PALM2AKAP2: variants seen among roughly 807,000 people sequenced by gnomAD.
PALM2AKAP2 encodes the protein PALM2 and AKAP2 fusion.
Under a neutral mutation model 71.5 loss-of-function variants are expected in PALM2AKAP2, and 37 were observed. The ratio of observed to expected loss-of-function variants is 0.52; its 90% CI spans 0.40 to 0.68. PALM2AKAP2 has a LOEUF of 0.68. Among genes scored for constraint, PALM2AKAP2 ranks in the 30% least tolerant of loss-of-function variants. The pLI is 0.00. For missense variants in PALM2AKAP2, 1,224 were observed against 1,191.8 expected, an observed-to-expected ratio of 1.03 and a Z score of -0.40; for synonymous variants, 468 against 478.8, an observed-to-expected ratio of 0.98 and a Z score of 0.29.
chr9:110,105,247 A>G (rs1264913289), intron 1 of PALM2AKAP2, among the ~76,000 whole-genome samples: 1 of 152,230 alleles, frequency 6.6e-6, no homozygotes, highest in Non-Finnish European at 1.5e-5. Context: ...CCCTTGGGTT[A>G]CTTTTTGCCA....
intron 6 of PALM2AKAP2, among the ~76,000 whole-genome samples, chr9:109,987,140 CT>C (rs964553595): frequency 6.6e-6 from 1 of 151,608 alleles, no homozygotes; most frequent in African/African-American, 2.4e-5. Flanking sequence ...CTTTTCTTTT[CT>C]TTTTTTTGAG....
chr9:109,831,586 A>G (rs1284176990), intron 1 of PALM2AKAP2, among the ~76,000 whole-genome samples: 1 of 152,174 alleles, frequency 6.6e-6, no homozygotes, highest in East Asian at 1.9e-4. Context: ...GCCTTTAGAC[A>G]CTGGGCTCCT....
chr9:109,857,047 G>A (rs34879704), intron 1 of PALM2AKAP2, among the ~76,000 whole-genome samples: 20,866 of 152,142 alleles, frequency 0.14, 1,808 homozygotes, highest in East Asian at 0.24. Context: ...TTACTGTGAG[G>A]TCCATGCAGT....
intron 1 of PALM2AKAP2, among the ~76,000 whole-genome samples, chr9:110,099,715 T>A (rs777828560): frequency 1.8e-4 from 27 of 152,246 alleles, no homozygotes; most frequent in Non-Finnish European, 3.4e-4. Context: ...AAAACAAAAT[T>A]TGAAAAATGA....
intron 1 of PALM2AKAP2, among the ~76,000 whole-genome samples, chr9:109,646,424 G>T (rs1827155071): frequency 6.6e-6 from 1 of 152,190 alleles, no homozygotes; most frequent in Non-Finnish European, 1.5e-5. Context: ...AAGCCCTGGG[G>T]CTCTGACAAT....
Position 109,658,122 on chromosome 9 carries a change from G to A in PALM2AKAP2, c.5+17256G>A, listed in dbSNP as rs139170532. ...GGAAAGTAAGATTTGGTTTGGGAGC[G>A]TGTTAAGTTTGAAATGCTTATTAGA... On this transcript the variant is annotated intron_variant, in intron 1 of 6. Transcript: ENST00000374531. 1.2e-3 allele frequency among the ~76,000 whole-genome samples: 178 copies of A among 152,228 alleles called. 5 individuals are homozygous for A. In the East Asian group the frequency reaches 0.028, roughly 24 times the overall value.
intron 2 of PALM2AKAP2, among the ~76,000 whole-genome samples, chr9:109,871,530 T>G (rs1019805195): frequency 5.3e-5 from 8 of 152,134 alleles, no homozygotes; most frequent in Non-Finnish European, 1.2e-4. Flanking sequence ...AATTAAAAAG[T>G]ACAGCAAAAT....
intron 6 of PALM2AKAP2, among the ~76,000 whole-genome samples, chr9:109,935,749 G>T (rs568404868): frequency 6.6e-6 from 1 of 152,214 alleles, no homozygotes; most frequent in African/African-American, 2.4e-5. Flanking sequence ...CACCTTTCCT[G>T]ATGTTCAAGA....
At chr9:110,045,252 C>T (rs192694196), upstream of PALM2AKAP2, among the ~76,000 whole-genome samples, 42 of 152,258 alleles carry the variant, frequency 2.8e-4, no homozygotes, top group Middle Eastern at 3.4e-3. Flanking sequence ...TTTACACGTT[C>T]GAGTTATATT....
chr9:109,833,533 C>T (rs981612760), intron 1 of PALM2AKAP2, among the ~76,000 whole-genome samples: 1 of 152,084 alleles, frequency 6.6e-6, no homozygotes, highest in Non-Finnish European at 1.5e-5. Context: ...TTCCTGAGGC[C>T]CAGTCAGCGG....
rs377169589 is a variant in PALM2AKAP2, at chr9:110,101,197, C to T, written c.157-34930C>T. Among the ~76,000 whole-genome samples the T allele has an allele frequency of 5.5e-4, 84 of 152,264 alleles. 1 individual carries two copies. The highest frequency in any genetic ancestry group is 1.6e-3 in the African/African-American group (65 of 41,544). On this transcript the variant is annotated intron_variant, in intron 1 of 3. Transcript: ENST00000374525. ...TCTTATCCCCGCTTCAGCCTTTTCT[C>T]TCCTGTTAGGGATCAAAACTTGCCA...
intron 1 of PALM2AKAP2, among the ~76,000 whole-genome samples, chr9:109,837,400 A>G (rs1306166684): frequency 6.6e-6 from 1 of 152,202 alleles, no homozygotes; most frequent in African/African-American, 2.4e-5. Flanking sequence ...GAAAGGAAGA[A>G]CCAGTACCAG....
At chr9:110,110,889 G>C (rs1835234119) in intron 1 of PALM2AKAP2, among the ~76,000 whole-genome samples, 1 of 151,932 alleles carries the variant, frequency 6.6e-6, no homozygotes, top group African/African-American at 2.4e-5. Context: ...TGCGATCCAG[G>C]CTTACAAGAG....
rs745471428 is a variant in PALM2AKAP2, at chr9:110,138,264, C to T, written c.2294C>T (p.Pro765Leu). Residue 765 changes from proline (P) to leucine (L), a missense_variant, in exon 2 of 4, where the codon CCC becomes CTC. By Grantham distance (98) the Pro-to-Leu change is moderately conservative. Coordinates refer to ENST00000374525, the Ensembl canonical transcript of PALM2AKAP2. ...CCGATTAACATGGAGGAGACCAGGC[C>T]CGAAGGAAGCTATTTCAGCAAGTAC... The T allele has an allele frequency of 1.9e-6, 3 of 1,614,180 alleles. No individual in the cohort carries two copies. The highest frequency in any genetic ancestry group is 4.5e-5 in the East Asian group (2 of 44,882).
At chr9:110,075,743 CT>C (rs1207814740) in intron 1 of PALM2AKAP2, among the ~76,000 whole-genome samples, 3 of 151,876 alleles carry the variant, frequency 2.0e-5, no homozygotes, top group Non-Finnish European at 4.4e-5. Flanking sequence ...GATATTTTAC[CT>C]TTTTATTTTA....
chr9:109,912,873 A>G (rs149011754), intron 3 of PALM2AKAP2, among the ~76,000 whole-genome samples: 8 of 152,312 alleles, frequency 5.3e-5, no homozygotes, highest in African/African-American at 1.9e-4. Context: ...TTACCATGGG[A>G]CGAATTCACC....
intron 1 of PALM2AKAP2, among the ~76,000 whole-genome samples, chr9:110,101,291 G>A (rs896472546): frequency 2.6e-4 from 39 of 151,982 alleles, no homozygotes; most frequent in African/African-American, 9.2e-4. Context: ...GTGTGTTTGG[G>A]GTCCTGCACC....
chr9:109,931,349 G>A (rs573795097), intron 5 of PALM2AKAP2, among the ~76,000 whole-genome samples: 1 of 152,316 alleles, frequency 6.6e-6, no homozygotes, highest in South Asian at 2.1e-4. Flanking sequence ...GGACTTTCTA[G>A]CTGAAACACC....
chr9:109,724,780 G>A (rs762317742), intron 1 of PALM2AKAP2, among the ~76,000 whole-genome samples: 4 of 152,122 alleles, frequency 2.6e-5, no homozygotes, highest in African/African-American at 9.7e-5. Context: ...TGACATCCAG[G>A]CTGTCTGACT....
Sources: allele counts gnomAD v4.1 joint callset (sites outside exome capture counted in the v4.1 genomes callset), GRCh38; gene constraint gnomAD v4.1.1; transcripts MANE v1.5; gene names NCBI Gene and HGNC (gene_info 2026-07-23, HGNC 2026-07-21).